The following CUX2 variants were observed in gnomAD, a reference collection of about 807,000 sequenced individuals.
The protein encoded by CUX2 is homeobox protein cut-like 2.
CUX2 carries 40 observed loss-of-function variants against 144.8 expected under a neutral mutation model. The observed-to-expected ratio is 0.28, with a 90% CI of 0.21 to 0.36. The LOEUF is 0.36. CUX2 is among the 10% of genes least tolerant of loss of function. The probability of loss-of-function intolerance (pLI) is 1.00; values close to 1 mark genes in which losing one functional copy is unlikely to be tolerated. For missense variants in CUX2, 1,615 were observed against 1,994.0 expected (o/e 0.81, Z 3.62); for synonymous variants, 827 against 875.6 (o/e 0.94, Z 0.98).
At chr12:111,041,147 T>C (rs531758289) in intron 1 of CUX2, among the ~76,000 whole-genome samples, 3 of 152,356 alleles carry the variant, frequency 2.0e-5, no homozygotes, top group African/African-American at 7.2e-5. Flanking sequence ...ATGAGTCACT[T>C]AACCTCTCCA....
intron 1 of CUX2, among the ~76,000 whole-genome samples, chr12:111,131,333 G>A (rs1256184517): frequency 6.6e-6 from 1 of 152,124 alleles, no homozygotes; most frequent in Non-Finnish European, 1.5e-5. Flanking sequence ...CTCCCCCTGG[G>A]TCCCTCCCAC....
At chr12:111,286,386 C>T (rs900040399) in intron 4 of CUX2, among the ~76,000 whole-genome samples, 2 of 152,158 alleles carry the variant, frequency 1.3e-5, no homozygotes, top group African/African-American at 4.8e-5. Flanking sequence ...AGCTGACACC[C>T]GATCCCTAAA....
In CUX2 at chr12:111,263,836, C is replaced by T; in HGVS notation, c.298C>T (p.Pro100Ser). 6.2e-7 allele frequency: 1 copy of T among 1,613,270 alleles called. No individual in the cohort carries two copies. Among genetic ancestry groups the T allele is most frequent in the South Asian group, 1.1e-5 (1 of 91,056 alleles). Reference protein sequence around the residue: ...LSVYKQLIEAPDPVPVFEAAR... With the variant: ...LSVYKQLIEASDPVPVFEAAR... ...TGTTTACAAGCAATTAATTGAAGCA[C>T]CAGGTAAGAAATGCTTGGGCTCCGT... The change falls in exon 4 of 22, where the codon CCA becomes TCA. Residue 100 changes from proline to serine, a missense_variant. Coordinates refer to ENST00000261726, the MANE Select transcript of CUX2 (RefSeq NM_015267.4). The surrounding 1 kb of genome is among the most constrained non-coding windows in gnomAD (Gnocchi z 4.0).
intron 10 of CUX2, among the ~76,000 whole-genome samples, chr12:111,306,500 A>G (rs1284980182): frequency 1.3e-5 from 2 of 152,106 alleles, no homozygotes; most frequent in Non-Finnish European, 2.9e-5. Context: ...GGCGGAGGAA[A>G]GAGCCGCCCA....
At chr12:111,044,893 C>G (rs1180721757) in intron 1 of CUX2, among the ~76,000 whole-genome samples, 2 of 152,182 alleles carry the variant, frequency 1.3e-5, no homozygotes, top group Non-Finnish European at 2.9e-5. Context: ...GTTTGTTTAC[C>G]TTTAGCTCCA....
chr12:111,110,342 T>C (rs1361833173), intron 1 of CUX2, among the ~76,000 whole-genome samples: 3 of 152,178 alleles, frequency 2.0e-5, no homozygotes, highest in Admixed American at 1.3e-4. Flanking sequence ...TCTTAGCATC[T>C]TAGGTTTGAG....
intron 5 of CUX2, among the ~76,000 whole-genome samples, chr12:111,292,101 C>A (rs1177233824): frequency 6.6e-6 from 1 of 152,184 alleles, no homozygotes; most frequent in African/African-American, 2.4e-5. Flanking sequence ...GTGTGGACCC[C>A]AGAGAATTGA....
intron 3 of CUX2, among the ~76,000 whole-genome samples, chr12:111,245,426 G>A (rs189859163): frequency 2.0e-5 from 3 of 151,108 alleles, no homozygotes; most frequent in Admixed American, 2.0e-4. Flanking sequence ...CCATTGTTTT[G>A]ATGCTATCTA....
intron 1 of CUX2, among the ~76,000 whole-genome samples, chr12:111,167,583 A>T (rs1335998483): frequency 6.6e-6 from 1 of 152,184 alleles, no homozygotes. Flanking sequence ...CAGATTTACC[A>T]CGTTGTCAGA....
intron 1 of CUX2, among the ~76,000 whole-genome samples, chr12:111,109,847 G>T (rs1014106061): frequency 1.3e-5 from 2 of 151,500 alleles, no homozygotes; most frequent in Non-Finnish European, 2.9e-5. Context: ...AGAAAGCAAG[G>T]GTGGATCTCC....
Position 111,341,949 on chromosome 12 carries a change from G to A in CUX2, c.3555G>A (p.Lys1185=), listed in dbSNP as rs200742986. Residue 1185 remains lysine, a synonymous_variant, in exon 21 of 22, where the codon AAG becomes AAA. Coordinates refer to ENST00000261726, the MANE Select transcript of CUX2 (RefSeq NM_015267.4). ...LAPEEKEALR[K]AYQLEPYPSQ... ...CCGAGGAGAAGGAGGCACTGCGGAAGGCCTATCAGCTGGAACCCTACCCCT... is the reference window on the plus strand; with the variant it reads ...CCGAGGAGAAGGAGGCACTGCGGAAAGCCTATCAGCTGGAACCCTACCCCT... 8.8e-4 allele frequency: 1,426 copies of A among 1,614,128 alleles called. 1 individual carries two copies. The highest frequency in any genetic ancestry group is 1.1e-3 in the Non-Finnish European group (1,301 of 1,180,012).
Position 111,304,320 on chromosome 12 carries a change from G to A in CUX2, c.858+6G>A. On this transcript the variant is annotated splice_donor_region_variant and intron_variant, in intron 10 of 21. Transcript: ENST00000261726. This position sits in a 1 kb window ranked among gnomAD's most constrained non-coding sequence, Gnocchi z 4.7. ...CTCCCCAGGGGCCCAGTGGGGTAAG[G>A]ATGGGGTTGGGGAAGTGAGCAGGGA... 1 of 1,611,336 alleles carries A rather than the reference G, an allele frequency of 6.2e-7. No homozygotes were observed. The highest frequency in any genetic ancestry group is 8.5e-7 in the Non-Finnish European group (1 of 1,178,160).
At chr12:111,096,938 C>T (rs941316917) in intron 1 of CUX2, among the ~76,000 whole-genome samples, 4 of 151,950 alleles carry the variant, frequency 2.6e-5, no homozygotes. Flanking sequence ...GATCACACCA[C>T]TGCACTCCAG....
intron 1 of CUX2, among the ~76,000 whole-genome samples, chr12:111,070,625 G>T (rs1373898920): frequency 6.6e-6 from 1 of 152,110 alleles, no homozygotes; most frequent in Non-Finnish European, 1.5e-5. Flanking sequence ...CCCAGAGTCT[G>T]TAGTTTACAT....
At position 111,251,570 on chromosome 12, in the gene CUX2, C is replaced by T. The variant is rs540203278; in HGVS notation, c.223-12191C>T. Among the ~76,000 whole-genome samples, 18 of 152,276 alleles carry T rather than the reference C, an allele frequency of 1.2e-4. No individual in the cohort carries two copies. In the South Asian group the frequency reaches 3.3e-3, roughly 28 times the overall value. On this transcript the variant is annotated intron_variant, in intron 3 of 21. Coordinates refer to ENST00000261726, the MANE Select transcript of CUX2 (RefSeq NM_015267.4). The stretch of plus-strand genomic sequence containing the variant: ...CCAGCCTGGCACGGAACACCACTCG[C>T]GGTATCTCCGGGAGCCTGACATAAA...
rs1479441797 is a variant in CUX2, at chr12:111,312,625, G to A, written c.2002+424G>A. ...TGAGGCAGGAGAATTGCTTGAACCC[G>A]GGAGGCGGAGGTTGCAGTGAGCCGA... On this transcript the variant is annotated intron_variant, in intron 16 of 21. Transcript: ENST00000261726. The surrounding 1 kb of genome is among the most constrained non-coding windows in gnomAD (Gnocchi z 4.3). Among the ~76,000 whole-genome samples, 5 of 150,884 alleles carry A rather than the reference G, an allele frequency of 3.3e-5. No homozygotes were observed. Among genetic ancestry groups the A allele is most frequent in the Non-Finnish European group, 5.9e-5 (4 of 67,644 alleles).
chr12:111,169,798 G>A (rs779481058), intron 1 of CUX2, among the ~76,000 whole-genome samples: 4 of 152,196 alleles, frequency 2.6e-5, no homozygotes, highest in Admixed American at 2.0e-4. Flanking sequence ...CTGAGTACAC[G>A]CCTTATGTAT....
Position 111,136,957 on chromosome 12 carries a change from A to G in CUX2, c.64-77243A>G, listed in dbSNP as rs186937045. 6.0e-3 allele frequency among the ~76,000 whole-genome samples: 857 copies of G among 143,746 alleles called. 7 individuals carry two copies. Among genetic ancestry groups the G allele is most frequent in the African/African-American group, 0.021 (815 of 37,924 alleles). 94.3% of individuals were successfully genotyped at this position (143,746 alleles called of 152,430 possible). A position where few individuals can be genotyped will look rare whatever the true frequency, so the allele number is the denominator to read the frequency against. On this transcript the variant is annotated intron_variant, in intron 1 of 21. Coordinates refer to ENST00000261726, the MANE Select transcript of CUX2 (RefSeq NM_015267.4). ...TTTTTTATGGCTTTTTTTTTTTTTG[A>G]GACAGGGTCTCGCTCTGTTGCCCAG... is the stretch of plus-strand genomic sequence containing the variant.
chr12:111,127,965 C>T lies in CUX2; in HGVS notation c.64-86235C>T, dbSNP rs529932133. ...TCAGTTATCTCCACCTGGCCCTGCC[C>T]ATGACATGTGGGGATTATTACAATT... On this transcript the variant is annotated intron_variant, in intron 1 of 21. Transcript: ENST00000261726. Among the ~76,000 whole-genome samples, 7 of 152,248 alleles carry T rather than the reference C, an allele frequency of 4.6e-5. No individual in the cohort carries two copies. In the South Asian group the frequency reaches 1.0e-3, roughly 23 times the overall value.
Sources: gnomAD v4.1 joint callset for allele counts (sites outside exome capture counted in the v4.1 genomes callset) on GRCh38, gnomAD v4.1.1 for gene constraint, Gnocchi (gnomAD v3.1) non-coding constraint, MANE v1.5 for transcripts, NCBI Gene and HGNC (gene_info 2026-07-23, HGNC 2026-07-21) for gene names.